Variants in CERS6 observed in about 807,000 individuals in gnomAD.
CERS6 encodes ceramide synthase 6.
CERS6 carries 26 observed loss-of-function variants against 56.8 expected under a neutral mutation model. The ratio of observed to expected loss-of-function variants is 0.46; its 90% CI spans 0.34 to 0.63. CERS6 has a LOEUF of 0.63. Among genes scored for constraint, CERS6 ranks in the 30% least tolerant of loss-of-function variants. CERS6 has a pLI of 0.01. For synonymous variants in CERS6, 164 were observed against 173.3 expected, an observed-to-expected ratio of 0.95 and a Z score of 0.42; for missense variants, 415 against 467.5, an observed-to-expected ratio of 0.89 and a Z score of 1.04.
chr2:168,663,772 A>T (rs1685690532), intron 4 of CERS6, among the ~76,000 whole-genome samples: 1 of 53,986 alleles, frequency 1.9e-5, no homozygotes, highest in Non-Finnish European at 6.1e-5. Flanking sequence ...TATATACTTT[A>T]AAAAAAATCT....
At chr2:168,650,155 T>C (rs1161382434) in intron 4 of CERS6, among the ~76,000 whole-genome samples, 1 of 152,240 alleles carries the variant, frequency 6.6e-6, no homozygotes, top group Non-Finnish European at 1.5e-5. Context: ...CCAGGTTTAA[T>C]TCTGACATCA....
At chr2:168,505,961 A>G (rs962270751) in intron 1 of CERS6, among the ~76,000 whole-genome samples, 1 of 152,160 alleles carries the variant, frequency 6.6e-6, no homozygotes, top group Non-Finnish European at 1.5e-5. Flanking sequence ...TGGGCCTGCT[A>G]TTTGGCAGAA....
At chr2:168,648,978 G>T (rs1242831419) in intron 4 of CERS6, among the ~76,000 whole-genome samples, 2 of 152,174 alleles carry the variant, frequency 1.3e-5, no homozygotes, top group Non-Finnish European at 2.9e-5. Flanking sequence ...TTTTGGGGTG[G>T]AGAGTTCTGT....
intron 8 of CERS6, among the ~76,000 whole-genome samples, chr2:168,737,528 T>C (rs1050054920): frequency 1.3e-5 from 2 of 152,196 alleles, no homozygotes; most frequent in Non-Finnish European, 2.9e-5. Flanking sequence ...CTAAAACCTT[T>C]TGTTCTGATA....
intron 6 of CERS6, among the ~76,000 whole-genome samples, chr2:168,707,509 A>G (rs1686987525): frequency 6.6e-6 from 1 of 152,210 alleles, no homozygotes; most frequent in South Asian, 2.1e-4. Flanking sequence ...CATAGGCTAT[A>G]CATAAGAAAA....
chr2:168,721,254 G>T (rs927098267), intron 8 of CERS6, among the ~76,000 whole-genome samples: 2 of 152,138 alleles, frequency 1.3e-5, no homozygotes, highest in Non-Finnish European at 2.9e-5. Flanking sequence ...ATGTTTTCAA[G>T]ATTTATCCAT....
chr2:168,518,095 CGTT>C (rs1558981023), intron 1 of CERS6, among the ~76,000 whole-genome samples: 1 of 152,110 alleles, frequency 6.6e-6, no homozygotes, highest in African/African-American at 2.4e-5. Context: ...TTGTTGTTTA[CGTT>C]GTTATCTTTC....
Position 168,643,005 on chromosome 2 carries a change from G to A in CERS6, c.465+11963G>A, listed in dbSNP as rs533321810. On this transcript the variant is annotated intron_variant, in intron 4 of 9. Transcript: ENST00000305747. ...AGGATGCATGATGTTCAGTATTGGC[G>A]GAAGAGTTATATTTGGCACTAGCTA... Among the ~76,000 whole-genome samples the A allele has an allele frequency of 6.5e-4, 99 of 152,286 alleles. 2 individuals carry two copies. The South Asian group carries it at 0.019, about 29-fold the overall frequency.
At chr2:168,522,997 A>G (rs1403643149) in intron 1 of CERS6, among the ~76,000 whole-genome samples, 1 of 152,238 alleles carries the variant, frequency 6.6e-6, no homozygotes, top group African/African-American at 2.4e-5. Context: ...CAGCAATGAT[A>G]CTATTGATAG....
intron 1 of CERS6, among the ~76,000 whole-genome samples, chr2:168,534,624 C>G (rs571865799): frequency 3.9e-5 from 6 of 152,178 alleles, no homozygotes; most frequent in African/African-American, 1.4e-4. Flanking sequence ...TCTCTGACTT[C>G]GAGGGGCACC....
intron 1 of CERS6, among the ~76,000 whole-genome samples, chr2:168,490,132 T>C (rs1052765389): frequency 6.6e-6 from 1 of 152,200 alleles, no homozygotes; most frequent in African/African-American, 2.4e-5. Flanking sequence ...CAGTGGTTTC[T>C]AGACTTAGTT....
At chr2:168,619,694 T>C (rs1370256983) in intron 3 of CERS6, among the ~76,000 whole-genome samples, 7 of 151,464 alleles carry the variant, frequency 4.6e-5, no homozygotes, top group Non-Finnish European at 8.8e-5. Flanking sequence ...CATAATAAAA[T>C]CAAAAAGTAA....
intron 8 of CERS6, among the ~76,000 whole-genome samples, chr2:168,729,523 C>T (rs1320190553): frequency 6.6e-6 from 1 of 152,206 alleles, no homozygotes; most frequent in African/African-American, 2.4e-5. Flanking sequence ...CTTGGACTGC[C>T]ATGTGCCTGT....
chr2:168,479,915 CTT>C (rs1038229618), intron 1 of CERS6, among the ~76,000 whole-genome samples: 4 of 152,168 alleles, frequency 2.6e-5, no homozygotes, highest in Non-Finnish European at 5.9e-5. Flanking sequence ...GCCTTAATAC[CTT>C]TTCTGGTCTT....
At chr2:168,706,288 A>G (rs1449799642) in intron 6 of CERS6, among the ~76,000 whole-genome samples, 1 of 152,168 alleles carries the variant, frequency 6.6e-6, no homozygotes, top group African/African-American at 2.4e-5. Context: ...CTATTGTGCA[A>G]ATAAAATTTT....
At chr2:168,658,544 C>A (rs1685550262) in intron 4 of CERS6, among the ~76,000 whole-genome samples, 1 of 152,234 alleles carries the variant, frequency 6.6e-6, no homozygotes, top group African/African-American at 2.4e-5. Context: ...CCAGCAAAGA[C>A]CATAGTCATC....
chr2:168,487,399 G>C (rs943698868), intron 1 of CERS6, among the ~76,000 whole-genome samples: 2 of 152,178 alleles, frequency 1.3e-5, no homozygotes, highest in African/African-American at 4.8e-5. Flanking sequence ...GAGGTGGAGT[G>C]CCTCCAAGGC....
At chr2:168,588,812 C>T (rs1683606174) in intron 3 of CERS6, among the ~76,000 whole-genome samples, 1 of 152,224 alleles carries the variant, frequency 6.6e-6, no homozygotes, top group African/African-American at 2.4e-5. Flanking sequence ...GGATCTCACT[C>T]ACTGCAACCT....
intron 2 of CERS6, among the ~76,000 whole-genome samples, chr2:168,549,900 T>C (rs1695535682): frequency 6.6e-6 from 1 of 151,394 alleles, no homozygotes; most frequent in Non-Finnish European, 1.5e-5. Flanking sequence ...AGTGTGCGTT[T>C]GTGTGTGTGT....
Sources: gnomAD v4.1 joint callset for allele counts (sites outside exome capture counted in the v4.1 genomes callset) on GRCh38, gnomAD v4.1.1 for gene constraint, MANE v1.5 for transcripts, NCBI Gene and HGNC (gene_info 2026-07-23, HGNC 2026-07-21) for gene names.